Variants in TNR observed in about 807,000 individuals in gnomAD.
TNR encodes tenascin R, also known as tenascin-R.
In TNR, 45 loss-of-function variants were observed where a neutral mutation model predicts 150.4. The observed-to-expected ratio is 0.30, with a 90% confidence interval of 0.24 to 0.38. The LOEUF (loss-of-function observed/expected upper bound fraction) is 0.38. Ranked by LOEUF, TNR falls within the 10% of genes least tolerant of loss-of-function variation. TNR has a pLI of 1.00. For synonymous variants in TNR, 687 were observed against 678.4 expected, an observed-to-expected ratio of 1.01 and a Z score of -0.20; for missense variants, 1,544 against 1,759.1, an observed-to-expected ratio of 0.88 and a Z score of 2.19.
chr1:175,533,779 G>T (rs1660163548), intron 1 of TNR, among the ~76,000 whole-genome samples: 1 of 152,142 alleles, frequency 6.6e-6, no homozygotes, highest in African/African-American at 2.4e-5. Context: ...TTTCCACATT[G>T]TTTTATTAAA....
At chr1:175,357,987 G>A (rs1270296937) in intron 15 of TNR, among the ~76,000 whole-genome samples, 4 of 152,190 alleles carry the variant, frequency 2.6e-5, no homozygotes, top group Admixed American at 6.5e-5. Flanking sequence ...CTGCCTTCAG[G>A]GAAGCTTTGA....
chr1:175,449,020 C>G (rs1233349287), intron 2 of TNR, among the ~76,000 whole-genome samples: 1 of 152,208 alleles, frequency 6.6e-6, no homozygotes, highest in East Asian at 1.9e-4. Flanking sequence ...GCATCTGACC[C>G]AAGTATCAGC....
chr1:175,562,749 G>A (rs890772221), intron 1 of TNR, among the ~76,000 whole-genome samples: 1 of 152,236 alleles, frequency 6.6e-6, no homozygotes, highest in African/African-American at 2.4e-5. Context: ...ACAAGGGACA[G>A]AGGGATTTGG....
intron 9 of TNR, among the ~76,000 whole-genome samples, chr1:175,378,961 C>T (rs1449586186): frequency 6.6e-6 from 1 of 152,192 alleles, no homozygotes; most frequent in Admixed American, 6.5e-5. Flanking sequence ...GGGCGGATCA[C>T]CTGAGGTCGG....
At chr1:175,470,938 C>A (rs1657258822) in intron 2 of TNR, among the ~76,000 whole-genome samples, 2 of 152,106 alleles carry the variant, frequency 1.3e-5, no homozygotes, top group Non-Finnish European at 2.9e-5. Flanking sequence ...TTAATGCCAC[C>A]AAATGTAGCA....
intron 1 of TNR, among the ~76,000 whole-genome samples, chr1:175,685,605 C>G (rs1334724947): frequency 1.3e-5 from 2 of 152,110 alleles, no homozygotes. Context: ...TGTGTCTTGG[C>G]TTGGTTCAAT....
intron 1 of TNR, among the ~76,000 whole-genome samples, chr1:175,547,417 G>A (rs1571589416): frequency 6.6e-6 from 1 of 152,242 alleles, no homozygotes; most frequent in Middle Eastern, 3.4e-3. Context: ...AGCCCAGTCT[G>A]CAGACCCCTG....
At chr1:175,636,031 A>C (rs2101877225) in intron 1 of TNR, among the ~76,000 whole-genome samples, 1 of 152,210 alleles carries the variant, frequency 6.6e-6, no homozygotes, top group Non-Finnish European at 1.5e-5. Context: ...CTCCACCCCT[A>C]ATTTTCTCTG....
intron 1 of TNR, among the ~76,000 whole-genome samples, chr1:175,674,116 C>T (rs1266212900): frequency 6.6e-6 from 1 of 152,098 alleles, no homozygotes; most frequent in Non-Finnish European, 1.5e-5. Flanking sequence ...GGGTCTAAAA[C>T]CAGGTGCCCA....
chr1:175,472,459 G>A (rs937275896), intron 2 of TNR, among the ~76,000 whole-genome samples: 1 of 152,138 alleles, frequency 6.6e-6, no homozygotes, highest in Admixed American at 6.5e-5. Context: ...GTTACATATT[G>A]TACATAATTG....
rs375173565 is a variant in TNR at position 175,396,687 on chromosome 1, C to A, written c.1097G>T (p.Gly366Val). The change falls in exon 5 of 23, where the codon GGC becomes GTC. Residue 366 changes from glycine (G) to valine (V), a missense_variant. Around this residue, in one of 2 missense-constraint regions of TNR, gnomAD observed 1,254 missense variants for 1,329.4 expected, o/e 0.94. Transcript: ENST00000367674. Reference sequence around the variant, plus strand: ...AGGCACCCGCTGCTGGAGCTGGAGGCCCCCCAGGGCCGTCGGCTGGTAAGA... The same window carrying A: ...AGGCACCCGCTGCTGGAGCTGGAGGACCCCCAGGGCCGTCGGCTGGTAAGA... ...VISYQPTALG[G>V]LQLQQRVPGD... 1.2e-6 allele frequency: 2 copies of A among 1,614,170 alleles called. No homozygotes were observed. The highest frequency in any genetic ancestry group is 2.2e-5 in the South Asian group (2 of 91,078).
At chr1:175,554,359 A>T (rs949095725) in intron 1 of TNR, among the ~76,000 whole-genome samples, 1 of 143,700 alleles carries the variant, frequency 7.0e-6, no homozygotes, top group African/African-American at 2.6e-5. Flanking sequence ...AAAAAAAAAA[A>T]GATATCCTTT....
At chr1:175,708,488 G>T (rs533328817) in intron 1 of TNR, among the ~76,000 whole-genome samples, 1 of 152,150 alleles carries the variant, frequency 6.6e-6, no homozygotes, top group East Asian at 1.9e-4. Context: ...GTATATCCTC[G>T]CACTTTATGA....
At chr1:175,611,867 A>G (rs1663610902) in intron 1 of TNR, among the ~76,000 whole-genome samples, 1 of 152,230 alleles carries the variant, frequency 6.6e-6, no homozygotes, top group Non-Finnish European at 1.5e-5. Context: ...TAATCCTGTA[A>G]TGGAGATATA....
chr1:175,716,388 C>G (rs1667155255), intron 1 of TNR, among the ~76,000 whole-genome samples: 1 of 152,194 alleles, frequency 6.6e-6, no homozygotes, highest in African/African-American at 2.4e-5. Context: ...CCCCTTCCCC[C>G]TGGTTGTTGT....
At chr1:175,618,560 T>C (rs1663854258) in intron 1 of TNR, among the ~76,000 whole-genome samples, 1 of 152,204 alleles carries the variant, frequency 6.6e-6, no homozygotes, top group Non-Finnish European at 1.5e-5. Context: ...CCCAACTGGC[T>C]AAGATGAAAC....
intron 2 of TNR, among the ~76,000 whole-genome samples, chr1:175,504,670 GC>G (rs1658878622): frequency 6.6e-6 from 1 of 152,130 alleles, no homozygotes; most frequent in African/African-American, 2.4e-5. Context: ...TCAGCATGGA[GC>G]CCCCGGCCTT....
chr1:175,706,737 G>A (rs1048457923), intron 1 of TNR, among the ~76,000 whole-genome samples: 15 of 152,008 alleles, frequency 9.9e-5, no homozygotes, highest in African/African-American at 2.7e-4. Flanking sequence ...CTCTGGGCCC[G>A]TGCAGGTAAA....
At chr1:175,382,752 T>C (rs559919937) in intron 8 of TNR, among the ~76,000 whole-genome samples, 1 of 151,950 alleles carries the variant, frequency 6.6e-6, no homozygotes. Context: ...ATCCAAAAAG[T>C]AGCTGGGCAT....
Sources: gnomAD v4.1 joint callset for allele counts (sites outside exome capture counted in the v4.1 genomes callset) on GRCh38, gnomAD v4.1.1 for gene constraint, gnomAD v4.1.1 regional missense constraint, MANE v1.5 for transcripts, NCBI Gene and HGNC (gene_info 2026-07-23, HGNC 2026-07-21) for gene names.